The following SLC22A25 variants were observed in gnomAD, a reference collection of about 807,000 sequenced individuals.
SLC22A25 encodes the protein solute carrier family 22 member 25.
SLC22A25 carries 44 observed loss-of-function variants against 45.9 expected under a neutral mutation model. The ratio of observed to expected loss-of-function variants is 0.96; its 90% CI spans 0.75 to 1.23. The LOEUF is 1.23. Among genes scored for constraint, SLC22A25 ranks in the 50% most tolerant of loss-of-function variants. The pLI is 0.00. For missense variants in SLC22A25, 800 were observed against 666.4 expected (o/e 1.20, Z -2.21); for synonymous variants, 283 against 238.6 (o/e 1.19, Z -1.72).
rs1405808175 is a variant in SLC22A25 at position 63,217,456 on chromosome 11, A to G, written c.688T>C (p.Cys230Arg). Reference protein sequence around the residue: ...LIVEWITHQFCAMALTLTLCA... With the variant: ...LIVEWITHQFRAMALTLTLCA... ...AGTGTCAATGTCAATGCCATGGCACAGAATTGGTGAGTTATCCACTCTACA... is the reference window on the plus strand; with the variant it reads ...AGTGTCAATGTCAATGCCATGGCACGGAATTGGTGAGTTATCCACTCTACA... Residue 230 changes from cysteine (C) to arginine (R), a missense_variant, in exon 7 of 12, where the codon TGT becomes CGT. Transcript: ENST00000306494. 1 of 1,613,992 alleles carries G rather than the reference A, an allele frequency of 6.2e-7. No individual in the cohort carries two copies. The highest frequency in any genetic ancestry group is 1.1e-5 in the South Asian group (1 of 91,090).
intron 9 of SLC22A25, among the ~76,000 whole-genome samples, chr11:63,176,108 T>G (rs1330670961): frequency 6.6e-6 from 1 of 152,196 alleles, no homozygotes; most frequent in East Asian, 1.9e-4. Context: ...ACCATAGTGT[T>G]TTAAACTACT....
At chr11:63,185,617 T>C (rs1304099146) in intron 7 of SLC22A25, among the ~76,000 whole-genome samples, 4 of 150,198 alleles carry the variant, frequency 2.7e-5, no homozygotes, top group African/African-American at 7.4e-5. Context: ...TATGTATACA[T>C]GTGCCATGCT....
intron 1 of SLC22A25, chr11:63,243,212 AC>A (rs2090279599): frequency 7.4e-6 from 2 of 270,858 alleles, no homozygotes; most frequent in African/African-American, 4.5e-5. Flanking sequence ...TAATGCTCCT[AC>A]TTCAAGTGTG....
chr11:63,195,638 C>T (rs986858411), intron 7 of SLC22A25, among the ~76,000 whole-genome samples: 5 of 151,900 alleles, frequency 3.3e-5, no homozygotes, highest in African/African-American at 9.7e-5. Flanking sequence ...ACTAAATGCC[C>T]ACAAGAGAAA....
chr11:63,177,864 A>ATAATAT (rs373414293), intron 9 of SLC22A25, among the ~76,000 whole-genome samples: 1 of 31,082 alleles, frequency 3.2e-5, no homozygotes, highest in Non-Finnish European at 7.3e-5. Flanking sequence ...GTATATATAT[A>ATAATAT]ATATATATAA....
intron 7 of SLC22A25, among the ~76,000 whole-genome samples, chr11:63,192,120 G>T (rs897237381): frequency 6.6e-6 from 1 of 152,156 alleles, no homozygotes; most frequent in Non-Finnish European, 1.5e-5. Context: ...GAAGCCCATT[G>T]GACTAATAGT....
At chr11:63,219,173 G>A (rs2089792727) in intron 5 of SLC22A25, among the ~76,000 whole-genome samples, 1 of 152,108 alleles carries the variant, frequency 6.6e-6, no homozygotes, top group African/African-American at 2.4e-5. Context: ...ATGGAAAAAT[G>A]CATGACTTTT....
At chr11:63,185,650 G>T (rs1189095925) in intron 7 of SLC22A25, among the ~76,000 whole-genome samples, 2 of 143,130 alleles carry the variant, frequency 1.4e-5, no homozygotes, top group African/African-American at 5.2e-5. Flanking sequence ...CCACTAACTC[G>T]TCATCTAGCA....
In SLC22A25 at chr11:63,162,217, G is replaced by A. The variant is rs1313631803; in HGVS notation, c.*1607C>T. On this transcript the variant is annotated 3_prime_UTR_variant, in exon 12 of 12. Coordinates refer to ENST00000306494, the MANE Select transcript of SLC22A25 (RefSeq NM_199352.6). ...AGTATTTTCTCCCATTCTGTGGGTT[G>A]CCTCTTTACTTTGTTGAATGTATCC... is the stretch of plus-strand genomic sequence containing the variant. Among the ~76,000 whole-genome samples, 2 of 152,148 alleles carry A rather than the reference G, an allele frequency of 1.3e-5. No individual in the cohort carries two copies. Among genetic ancestry groups the A allele is most frequent in the Non-Finnish European group, 2.9e-5 (2 of 68,034 alleles).
At chr11:63,196,219 T>C (rs1373119583) in intron 7 of SLC22A25, among the ~76,000 whole-genome samples, 1 of 152,054 alleles carries the variant, frequency 6.6e-6, no homozygotes, top group South Asian at 2.1e-4. Flanking sequence ...TTCCAATCAA[T>C]AGACAAAGAG....
chr11:63,238,907 C>T lies in SLC22A25; in HGVS notation c.-767G>A. ...AGTGAGATAGAGATTCTCAGGAGGG[C>T]ATCTTGGCTGAGGATCACAGTTTCT... is the stretch of plus-strand genomic sequence containing the variant. On this transcript the variant is annotated 5_prime_UTR_variant, in exon 2 of 12. The change abolishes an upstream ATG in the 5' untranslated region. Coordinates refer to ENST00000306494, the MANE Select transcript of SLC22A25 (RefSeq NM_199352.6). The T allele has an allele frequency of 4.5e-6, 1 of 221,832 alleles. No homozygotes were observed. 13.7% of individuals were successfully genotyped at this position (221,832 alleles called of 1,614,324 possible).
At chr11:63,166,945 G>A (rs1025680438) in intron 9 of SLC22A25, 9 of 785,296 alleles carry the variant, frequency 1.1e-5, no homozygotes, top group Admixed American at 6.3e-5. Flanking sequence ...AATGCGGAAG[G>A]TGAGTGATTT....
At chr11:63,196,069 A>T (rs571741497) in intron 7 of SLC22A25, among the ~76,000 whole-genome samples, 1 of 152,268 alleles carries the variant, frequency 6.6e-6, no homozygotes, top group East Asian at 1.9e-4. Context: ...GCTGAATCCC[A>T]GAATAGACCA....
At position 63,160,895 on chromosome 11, in the gene SLC22A25, G is replaced by T. The variant is rs1158623964; in HGVS notation, c.*2929C>A. Among the ~76,000 whole-genome samples, 1 of 152,046 alleles carries T rather than the reference G, an allele frequency of 6.6e-6. No individual in the cohort carries two copies. The highest frequency in any genetic ancestry group is 6.6e-5 in the Admixed American group (1 of 15,256). ...CCTGCTGGATTTTGGAATTGTATGG[G>T]GCCTTTAGTAAAACTGCTATGGAGA... On this transcript the variant is annotated 3_prime_UTR_variant, in exon 12 of 12. Transcript: ENST00000306494.
chr11:63,194,889 G>GAAAAAAAAAAAAAAAAAAAAAAA lies in SLC22A25; in HGVS notation c.831-11073_831-11072insTTTTTTTTTTTTTTTTTTTTTTT, dbSNP rs1565091135. Among the ~76,000 whole-genome samples, 4 of 14,288 alleles carry GAAAAAAAAAAAAAAAAAAAAAAA rather than the reference G, an allele frequency of 2.8e-4. 1 individual carries two copies. The highest frequency in any genetic ancestry group is 1.0e-3 in the Admixed American group (1 of 960). The allele number at this position is 14,288 out of a possible 152,430, so 9.4% of individuals were successfully genotyped here. ...GGAAAATCTACCAAGCAAATGGAAA[G>GAAAAAAAAAAAAAAAAAAAAAAA]CAAAAAAAAAAAAAAAAAAAAAAAA... On this transcript the variant is annotated intron_variant, in intron 7 of 11. Coordinates refer to ENST00000306494, the MANE Select transcript of SLC22A25 (RefSeq NM_199352.6).
intron 7 of SLC22A25, among the ~76,000 whole-genome samples, chr11:63,194,727 T>A (rs373867042): frequency 2.0e-5 from 3 of 151,492 alleles, no homozygotes; most frequent in Non-Finnish European, 4.4e-5. Flanking sequence ...TAGCTTTAAA[T>A]GTAAATGCAC....
intron 7 of SLC22A25, among the ~76,000 whole-genome samples, chr11:63,207,976 A>T (rs1252733452): frequency 2.0e-5 from 3 of 152,064 alleles, no homozygotes; most frequent in East Asian, 3.9e-4. Context: ...AGTCCTTTGG[A>T]TGCTAATCTG....
chr11:63,212,935 G>A (rs545803526), intron 7 of SLC22A25, among the ~76,000 whole-genome samples: 5 of 152,318 alleles, frequency 3.3e-5, no homozygotes, highest in South Asian at 2.1e-4. Context: ...CCATGAGGGA[G>A]GAATGCCTCC....
intron 7 of SLC22A25, among the ~76,000 whole-genome samples, chr11:63,199,002 G>C (rs1166435992): frequency 6.6e-6 from 1 of 151,912 alleles, no homozygotes; most frequent in Non-Finnish European, 1.5e-5. Context: ...AAGAACTAGA[G>C]AGCAAAGAGC....
Sources: gnomAD v4.1 joint callset for allele counts (sites outside exome capture counted in the v4.1 genomes callset) on GRCh38, gnomAD v4.1.1 for gene constraint, MANE v1.5 for transcripts, NCBI Gene and HGNC (gene_info 2026-07-23, HGNC 2026-07-21) for gene names.